Variants in PLCXD3 observed in about 807,000 individuals in gnomAD.
PLCXD3 encodes PI-PLC X domain-containing protein 3.
PLCXD3 carries 19 observed loss-of-function variants against 25.5 expected under a neutral mutation model. That is an observed-to-expected ratio of 0.75 (90% CI 0.52 to 1.09). The LOEUF is 1.09. Ranked by LOEUF, PLCXD3 falls within the 50% of genes least tolerant of loss-of-function variation. The pLI, the probability that PLCXD3 is intolerant of heterozygous loss-of-function variation, is 0.00. For synonymous variants in PLCXD3, 174 were observed against 137.6 expected (o/e 1.26, Z -1.85); for missense variants, 411 against 388.1 (o/e 1.06, Z -0.50).
At position 41,455,883 on chromosome 5, in the gene PLCXD3, T is replaced by A. The variant is rs113084253; in HGVS notation, c.103+54541A>T. 4.6e-3 allele frequency among the ~76,000 whole-genome samples: 705 copies of A among 152,046 alleles called. 2 individuals are homozygous for A. The highest frequency in any genetic ancestry group is 0.016 in the African/African-American group (651 of 41,520). On this transcript the variant is annotated intron_variant, in intron 1 of 2. Transcript: ENST00000377801. ...ATTTTCAAGTATGATAATGCAGGTC[T>A]TGAGAGAACAAGAAACACAGTTATT...
At chr5:41,369,900 A>AG (rs1223831848) in intron 2 of PLCXD3, among the ~76,000 whole-genome samples, 5 of 152,218 alleles carry the variant, frequency 3.3e-5, no homozygotes, top group Non-Finnish European at 5.9e-5. Flanking sequence ...CAGACAACAC[A>AG]GTGAATTTGG....
In PLCXD3 at chr5:41,313,673, T is replaced by C; in HGVS notation, c.910A>G (p.Ile304Val). 1 of 1,613,910 alleles carries C rather than the reference T, an allele frequency of 6.2e-7. No individual in the cohort carries two copies. Among genetic ancestry groups the C allele is most frequent in the Non-Finnish European group, 8.5e-7 (1 of 1,179,872 alleles). Residue 304 changes from isoleucine to valine, a missense_variant, in exon 3 of 3, where the codon ATC becomes GTC. Coordinates refer to ENST00000377801, the MANE Select transcript of PLCXD3 (RefSeq NM_001005473.3). ...TAGTTGAGCTTTATGACAGTGCTGATAAAGTCACCAAGTTCTACAAAATCG... is the reference window on the plus strand; with the variant it reads ...TAGTTGAGCTTTATGACAGTGCTGACAAAGTCACCAAGTTCTACAAAATCG... ...TADFVELGDF[I>V]STVIKLNYVF...
At chr5:41,313,878 C>T in intron 2 of PLCXD3, 108 bp from the exon 3 acceptor site, 1 of 1,309,908 alleles carries the variant, frequency 7.6e-7, no homozygotes, top group Non-Finnish European at 1.0e-6. Context: ...ATAAATGTTT[C>T]ACGTATAGGT....
At chr5:41,386,999 ATTTCTGGTTATTCAGGG>A (rs960752885) in intron 1 of PLCXD3, among the ~76,000 whole-genome samples, 24 of 152,096 alleles carry the variant, frequency 1.6e-4, no homozygotes, top group African/African-American at 5.5e-4. Context: ...ATGAGCCTTT[ATTTCTGGTTATTCAGGG>A]AGTTACTCCT....
intron 1 of PLCXD3, among the ~76,000 whole-genome samples, chr5:41,502,806 G>A (rs1010245555): frequency 1.3e-5 from 2 of 152,148 alleles, no homozygotes; most frequent in Non-Finnish European, 1.5e-5. Context: ...AAAGTGAGAC[G>A]AGAACATTAA....
chr5:41,407,182 T>C (rs1287519882), intron 1 of PLCXD3, among the ~76,000 whole-genome samples: 1 of 152,220 alleles, frequency 6.6e-6, no homozygotes, highest in Non-Finnish European at 1.5e-5. Flanking sequence ...TGTGGGACTA[T>C]TGACTTCAGT....
rs1464149161 is a variant in PLCXD3 at position 41,497,470 on chromosome 5, AG to A, written c.103+12953del. On this transcript the variant is annotated intron_variant, in intron 1 of 2. Transcript: ENST00000377801. ...TATGATGATATAATTGGATGAGTCA[AG>A]TCAACCAGGAAGATAAAGCAATTAT... is the stretch of plus-strand genomic sequence containing the variant. 8.6e-5 allele frequency among the ~76,000 whole-genome samples: 13 copies of A among 152,036 alleles called. 2 individuals are homozygous for A. Among genetic ancestry groups the A allele is most frequent in the African/African-American group, 3.1e-4 (13 of 41,556 alleles).
At chr5:41,395,777 G>A (rs893868467) in intron 1 of PLCXD3, among the ~76,000 whole-genome samples, 2 of 151,978 alleles carry the variant, frequency 1.3e-5, no homozygotes, top group Non-Finnish European at 2.9e-5. Context: ...AACCTGAACA[G>A]ACCAGTAACA....
At chr5:41,501,825 C>G (rs997198347) in intron 1 of PLCXD3, among the ~76,000 whole-genome samples, 3 of 152,028 alleles carry the variant, frequency 2.0e-5, no homozygotes, top group Admixed American at 1.3e-4. Context: ...GAGAATTAAC[C>G]ATTACCTTTG....
chr5:41,505,299 G>A (rs1260703261), intron 1 of PLCXD3, among the ~76,000 whole-genome samples: 1 of 151,964 alleles, frequency 6.6e-6, no homozygotes, highest in East Asian at 1.9e-4. Flanking sequence ...TCAATCTAGT[G>A]GATTATAAAC....
chr5:41,508,217 C>T (rs926349305), intron 1 of PLCXD3, among the ~76,000 whole-genome samples: 1 of 152,158 alleles, frequency 6.6e-6, no homozygotes, highest in Non-Finnish European at 1.5e-5. Flanking sequence ...TATGTCTGTA[C>T]TCTAAGATCA....
intron 1 of PLCXD3, among the ~76,000 whole-genome samples, chr5:41,458,691 C>T (rs188573640): frequency 1.3e-5 from 2 of 151,710 alleles, no homozygotes; most frequent in Admixed American, 6.6e-5. Flanking sequence ...TTTCTTAGCA[C>T]CTTGAGGTCA....
chr5:41,413,042 A>G (rs991755580), intron 1 of PLCXD3, among the ~76,000 whole-genome samples: 2 of 152,252 alleles, frequency 1.3e-5, no homozygotes, highest in Non-Finnish European at 2.9e-5. Flanking sequence ...AGTTGAGATC[A>G]AAACAAAACA....
In PLCXD3 at chr5:41,372,460, C is replaced by T. The variant is rs181345589; in HGVS notation, c.812+9366G>A. Among the ~76,000 whole-genome samples the T allele has an allele frequency of 9.5e-4, 145 of 152,134 alleles. 1 individual carries two copies. The highest frequency in any genetic ancestry group is 1.7e-3 in the South Asian group (8 of 4,820). ...CTGTATTTAAATGTATTTTAATCTT[C>T]TTTAATCTTACAACATCAGCAGAAT... On this transcript the variant is annotated intron_variant, in intron 2 of 2. Coordinates refer to ENST00000377801, the MANE Select transcript of PLCXD3 (RefSeq NM_001005473.3).
rs1440231049 is a variant in PLCXD3 at position 41,489,983 on chromosome 5, C to T, written c.103+20441G>A. The stretch of plus-strand genomic sequence containing the variant: ...CTTCCAACACTATGTTGAATAGGAG[C>T]GGTGAGAGAGGGCATCCCTGTCTTG... On this transcript the variant is annotated intron_variant, in intron 1 of 2. Transcript: ENST00000377801. Among the ~76,000 whole-genome samples the T allele has an allele frequency of 6.3e-3, 960 of 151,808 alleles. 2 individuals are homozygous for T. Among genetic ancestry groups the T allele is most frequent in the African/African-American group, 0.013 (541 of 41,300 alleles).
chr5:41,494,046 G>A (rs144109659), intron 1 of PLCXD3, among the ~76,000 whole-genome samples: 1,639 of 152,340 alleles, frequency 0.011, 36 homozygotes, highest in African/African-American at 0.038. Context: ...GCTGGGAGCT[G>A]TAGACCAGAG....
chr5:41,347,143 T>C (rs1744324709), intron 2 of PLCXD3, among the ~76,000 whole-genome samples: 1 of 152,230 alleles, frequency 6.6e-6, no homozygotes, highest in African/African-American at 2.4e-5. Context: ...GAGTTTCTGT[T>C]GCTCCATATT....
At chr5:41,327,881 C>T (rs950360761) in intron 2 of PLCXD3, among the ~76,000 whole-genome samples, 4 of 152,124 alleles carry the variant, frequency 2.6e-5, no homozygotes, top group African/African-American at 7.2e-5. Context: ...TCATAGCTCA[C>T]TGTAACCTCG....
In PLCXD3 at chr5:41,313,775, G is replaced by C. The variant is rs1277630382; in HGVS notation, c.813-5C>G. 2 of 1,566,420 alleles carry C rather than the reference G, an allele frequency of 1.3e-6. No homozygotes were observed. On this transcript the variant is annotated splice_polypyrimidine_tract_variant and splice_region_variant and intron_variant, in intron 2 of 2. Transcript: ENST00000377801. ...TGCATCATGGCAGGAAGAGCTCTGA[G>C]AAAGGAAACAAAAAGAAAAGTCACA...
Sources: gnomAD v4.1 joint callset for allele counts (sites outside exome capture counted in the v4.1 genomes callset) on GRCh38, gnomAD v4.1.1 for gene constraint, MANE v1.5 for transcripts, NCBI Gene and HGNC (gene_info 2026-07-23, HGNC 2026-07-21) for gene names.